The following KCNN3 variants were observed in gnomAD, a reference collection of about 807,000 sequenced individuals.
KCNN3 encodes the protein potassium calcium-activated channel subfamily N member 3.
Under a neutral mutation model 62.9 loss-of-function variants are expected in KCNN3, and 16 were observed. The observed-to-expected ratio is 0.25, with a 90% CI of 0.17 to 0.39. The LOEUF is 0.39. KCNN3 is among the 10% of genes least tolerant of loss of function. KCNN3 has a pLI of 1.00. For synonymous variants in KCNN3, 370 were observed against 389.2 expected (o/e 0.95, Z 0.58); for missense variants, 599 against 949.4 (o/e 0.63, Z 4.85).
Position 154,706,078 on chromosome 1 carries a change from A to G in KCNN3, c.*1898T>C, listed in dbSNP as rs1699960814. On this transcript the variant is annotated 3_prime_UTR_variant, in exon 8 of 8. Transcript: ENST00000271915. ...CTCTGGTATGCAAAACAACTAATGA[A>G]AGTGTTCAAAGGAATTATCAAGGCA... 1 of 152,218 alleles carries G rather than the reference A, an allele frequency of 6.6e-6. No individual in the cohort carries two copies. 9.4% of individuals were successfully genotyped at this position (152,218 alleles called of 1,614,324 possible).
intron 2 of KCNN3, among the ~76,000 whole-genome samples, chr1:154,775,112 T>G (rs1648734915): frequency 6.6e-6 from 1 of 152,222 alleles, no homozygotes; most frequent in Non-Finnish European, 1.5e-5. Context: ...TCCACCCAAC[T>G]GTCTCCTTGA....
intron 4 of KCNN3, among the ~76,000 whole-genome samples, chr1:154,728,620 G>A (rs999642296): frequency 2.0e-5 from 3 of 151,992 alleles, no homozygotes; most frequent in Non-Finnish European, 4.4e-5. Flanking sequence ...TAGAACAGGA[G>A]GGGAGGGGAG....
chr1:154,851,175 C>A (rs1000727156), intron 1 of KCNN3, among the ~76,000 whole-genome samples: 11 of 152,110 alleles, frequency 7.2e-5, no homozygotes, highest in Non-Finnish European at 1.6e-4. Context: ...GACGGGGTTT[C>A]ACCATGTTGG....
In KCNN3 at chr1:154,838,782, G is replaced by C. The variant is rs563784097; in HGVS notation, c.934-16598C>G. On this transcript the variant is annotated intron_variant, in intron 1 of 7. Transcript: ENST00000271915. ...GCTTACCAGGCTGTGAGCTCTTTGA[G>C]TGTGGGAACCAAGTCTTTGTCATCT... 3.7e-4 allele frequency among the ~76,000 whole-genome samples: 56 copies of C among 152,322 alleles called. No homozygotes were observed. In the South Asian group the frequency reaches 0.012, roughly 32 times the overall value.
intron 5 of KCNN3, among the ~76,000 whole-genome samples, chr1:154,715,841 C>T (rs916578368): frequency 7.9e-5 from 12 of 152,132 alleles, no homozygotes; most frequent in Non-Finnish European, 1.3e-4. Flanking sequence ...AAACAGATTT[C>T]CTATCAGCTG....
intron 2 of KCNN3, among the ~76,000 whole-genome samples, chr1:154,773,669 C>G (rs1648667904): frequency 6.6e-6 from 1 of 152,180 alleles, no homozygotes; most frequent in Non-Finnish European, 1.5e-5. Context: ...TTTTTGCTGA[C>G]CACAAGTGTT....
At position 154,798,941 on chromosome 1, in the gene KCNN3, A is replaced by G. The variant is rs371196850; in HGVS notation, c.1029+23148T>C. The stretch of plus-strand genomic sequence containing the variant: ...ATTTTTTTTTTTTTTTTTTTGAGAC[A>G]GAGTCCACTCTGTCACCCAGGCTGG... On this transcript the variant is annotated intron_variant, in intron 2 of 7. Transcript: ENST00000271915. Among the ~76,000 whole-genome samples, 425 of 145,724 alleles carry G rather than the reference A, an allele frequency of 2.9e-3. 1 individual carries two copies. The highest frequency in any genetic ancestry group is 0.01 in the African/African-American group (397 of 39,152).
rs1489225948 is a variant in KCNN3 at position 154,826,058 on chromosome 1, A to AAAAC, written c.934-3878_934-3875dup. On this transcript the variant is annotated intron_variant, in intron 1 of 7. Coordinates refer to ENST00000271915, the MANE Select transcript of KCNN3 (RefSeq NM_002249.6). ...CGAGACTCCATCTTAAAAAAAAACA[A>AAAAC]AAACAAAAACAAAAACAAAAACAAA... 4.7e-5 allele frequency among the ~76,000 whole-genome samples: 4 copies of AAAAC among 84,730 alleles called. 1 individual carries two copies. Among genetic ancestry groups the AAAAC allele is most frequent in the East Asian group, 1.5e-3 (2 of 1,352 alleles). The allele number at this position is 84,730 out of a possible 152,430, so 55.6% of individuals were successfully genotyped here.
rs144573987 is a variant in KCNN3, at chr1:154,834,869, G to A, written c.934-12685C>T. ...TTGGTAAGGACCGCAGCACAGTCCCGGCTGAGACCTACACCCTGAGCTCTT... is the reference window on the plus strand; with the variant it reads ...TTGGTAAGGACCGCAGCACAGTCCCAGCTGAGACCTACACCCTGAGCTCTT... On this transcript the variant is annotated intron_variant, in intron 1 of 7. Transcript: ENST00000271915. Among the ~76,000 whole-genome samples, 235 of 147,100 alleles carry A rather than the reference G, an allele frequency of 1.6e-3. 1 individual carries two copies. The highest frequency in any genetic ancestry group is 5.8e-3 in the African/African-American group (232 of 39,686).
chr1:154,713,510 T>C lies in KCNN3; in HGVS notation c.1853A>G (p.Gln618Arg). The C allele has an allele frequency of 3.7e-6, 6 of 1,614,018 alleles. No individual in the cohort carries two copies. The highest frequency in any genetic ancestry group is 4.2e-6 in the Non-Finnish European group (5 of 1,179,920). Residue 618 changes from glutamine (Q) to arginine (R), a missense_variant, in exon 7 of 8, where the codon CAG becomes CGG. Gln to Arg is a conservative substitution (Grantham distance 43). Transcript: ENST00000271915. Reference protein sequence around the residue: ...IHQLRSVKMEQRKLSDQANTL... With the variant: ...IHQLRSVKMERRKLSDQANTL... ...GTTGGCTTGGTCACTCAGCTTCCTC[T>C]GTTCCATCTTGACGCTCCTCAACCT... is the stretch of plus-strand genomic sequence containing the variant.
At chr1:154,732,904 C>A in intron 4 of KCNN3, 99 bp downstream of exon 4, 2 of 1,368,102 alleles carry the variant, frequency 1.5e-6, no homozygotes, top group South Asian at 1.2e-5. Context: ...ACAGCCACCC[C>A]CCGCTCTGCG....
At chr1:154,858,260 T>A (rs1242860303) in intron 1 of KCNN3, among the ~76,000 whole-genome samples, 9 of 152,032 alleles carry the variant, frequency 5.9e-5, no homozygotes, top group Non-Finnish European at 1.0e-4. Flanking sequence ...CCTTGCATGA[T>A]CCCAAGGCCA....
At chr1:154,710,579 C>T (rs772365642) in intron 7 of KCNN3, among the ~76,000 whole-genome samples, 6 of 152,172 alleles carry the variant, frequency 3.9e-5, no homozygotes, top group East Asian at 3.8e-4. Flanking sequence ...CTGAGGGGTT[C>T]GCTTCACCCG....
chr1:154,861,225 G>A (rs1433477606), intron 1 of KCNN3, among the ~76,000 whole-genome samples: 3 of 151,966 alleles, frequency 2.0e-5, no homozygotes, highest in African/African-American at 4.8e-5. Context: ...AAAGTGCTGC[G>A]ATTACAGGTA....
chr1:154,798,081 C>T (rs932240403), intron 2 of KCNN3, among the ~76,000 whole-genome samples: 2 of 152,176 alleles, frequency 1.3e-5, no homozygotes, highest in Admixed American at 6.5e-5. Flanking sequence ...TAAATCATCC[C>T]GAGAGGCCAG....
In KCNN3 at chr1:154,869,968, G is replaced by T; in HGVS notation, c.-4C>A. On this transcript the variant is annotated 5_prime_UTR_variant, in exon 1 of 8. Coordinates refer to ENST00000271915, the MANE Select transcript of KCNN3 (RefSeq NM_002249.6). This position sits in a 1 kb window ranked among gnomAD's most constrained non-coding sequence, Gnocchi z 6.1. ...GGAAGTGCCCAGAAGTGTCCATCTT[G>T]GGGCCTGGCTGTATTCCCTGCAGCA... 6.2e-7 allele frequency: 1 copy of T among 1,610,246 alleles called. No individual in the cohort carries two copies. Among genetic ancestry groups the T allele is most frequent in the Non-Finnish European group, 8.5e-7 (1 of 1,178,330 alleles).
chr1:154,745,003 G>A (rs1700909710), intron 3 of KCNN3, among the ~76,000 whole-genome samples: 1 of 151,718 alleles, frequency 6.6e-6, no homozygotes, highest in Admixed American at 6.6e-5. Flanking sequence ...AAAATAAATG[G>A]CTTTGAAGAC....
At chr1:154,846,315 A>C (rs887758631) in intron 1 of KCNN3, among the ~76,000 whole-genome samples, 2 of 152,098 alleles carry the variant, frequency 1.3e-5, no homozygotes, top group African/African-American at 4.8e-5. Flanking sequence ...TATTGCAATC[A>C]TCAATGGGCT....
At chr1:154,865,439 G>T (rs770126865) in intron 1 of KCNN3, among the ~76,000 whole-genome samples, 2 of 151,960 alleles carry the variant, frequency 1.3e-5, no homozygotes, top group Admixed American at 6.5e-5. Flanking sequence ...CATCTCTGCC[G>T]TTTGATCTCA....
Sources: gnomAD v4.1 joint callset for allele counts (sites outside exome capture counted in the v4.1 genomes callset) on GRCh38, gnomAD v4.1.1 for gene constraint, Gnocchi (gnomAD v3.1) non-coding constraint, MANE v1.5 for transcripts, NCBI Gene and HGNC (gene_info 2026-07-23, HGNC 2026-07-21) for gene names.